JARID2: variants seen among roughly 807,000 people sequenced by gnomAD.
JARID2 encodes the protein jumonji and AT-rich interaction domain containing 2.
Under a neutral mutation model 125.6 loss-of-function variants are expected in JARID2, and 21 were observed. That is an observed-to-expected ratio of 0.17 (90% CI 0.12 to 0.24). JARID2 has a LOEUF of 0.24. Among genes scored for constraint, JARID2 ranks in the 10% least tolerant of loss-of-function variants. The pLI, the probability that JARID2 is intolerant of heterozygous loss-of-function variation, is 1.00. For missense variants in JARID2, 1,303 were observed against 1,639.6 expected (o/e 0.79, Z 3.55); for synonymous variants, 736 against 661.6 (o/e 1.11, Z -1.73).
chr6:15,324,089 G>T (rs1265137880), intron 1 of JARID2, among the ~76,000 whole-genome samples: 1 of 151,380 alleles, frequency 6.6e-6, no homozygotes, highest in African/African-American at 2.4e-5. Context: ...TGAGGCAGGA[G>T]AATGGCATGA....
intron 1 of JARID2, among the ~76,000 whole-genome samples, chr6:15,340,055 G>C (rs1026772481): frequency 1.3e-5 from 2 of 151,746 alleles, no homozygotes. Flanking sequence ...TGACTCCCGG[G>C]TTCATGCAAT....
At chr6:15,517,342 T>G (rs1271239225) in intron 17 of JARID2, 74 bp downstream of exon 17, 1 of 1,034,328 alleles carries the variant, frequency 9.7e-7, no homozygotes, top group Non-Finnish European at 1.5e-6. Flanking sequence ...ATGTAGGCAC[T>G]CCGGCCTGGC....
chr6:15,252,556 G>A (rs1759497475), intron 1 of JARID2, among the ~76,000 whole-genome samples: 1 of 152,164 alleles, frequency 6.6e-6, no homozygotes, highest in Non-Finnish European at 1.5e-5. Context: ...CTGAGTGGCA[G>A]GGAGCAGAAA....
intron 1 of JARID2, among the ~76,000 whole-genome samples, chr6:15,270,889 G>A (rs1760271946): frequency 2.6e-5 from 4 of 151,798 alleles, no homozygotes; most frequent in Admixed American, 2.0e-4. Flanking sequence ...TGCAGTGAGC[G>A]GAGATCTTGC....
rs185146836 is a variant in JARID2 at position 15,460,984 on chromosome 6, C to A, written c.494-7558C>A. Among the ~76,000 whole-genome samples the A allele has an allele frequency of 2.5e-3, 374 of 152,298 alleles. 1 individual carries two copies. The highest frequency in any genetic ancestry group is 3.9e-3 in the Non-Finnish European group (266 of 68,026). ...CCTCCCAAAGTGCTGGGATTACAGG[C>A]GTGAGCCACTGCACCCAGCCAGAAT... On this transcript the variant is annotated intron_variant, in intron 4 of 17. Coordinates refer to ENST00000341776, the MANE Select transcript of JARID2 (RefSeq NM_004973.4).
intron 1 of JARID2, among the ~76,000 whole-genome samples, chr6:15,261,295 G>GT (rs1172440746): frequency 6.9e-6 from 1 of 145,376 alleles, no homozygotes; most frequent in Non-Finnish European, 1.5e-5. Context: ...CTTGGATGGT[G>GT]TTTTTTCTTC....
intron 7 of JARID2, 148 bp from the exon 8 acceptor site, chr6:15,500,759 C>A: frequency 1.4e-6 from 1 of 691,438 alleles, no homozygotes; most frequent in Non-Finnish European, 2.5e-6. Context: ...CTCTGTGGAC[C>A]GGGAGTCTGC....
chr6:15,411,016 T>G (rs1311359738), intron 3 of JARID2, among the ~76,000 whole-genome samples: 1 of 152,224 alleles, frequency 6.6e-6, no homozygotes, highest in Non-Finnish European at 1.5e-5. Context: ...TTTACTTGGG[T>G]GTTTTTGAAA....
intron 3 of JARID2, among the ~76,000 whole-genome samples, chr6:15,442,274 A>G (rs1242098222): frequency 6.6e-6 from 1 of 152,164 alleles, no homozygotes; most frequent in Non-Finnish European, 1.5e-5. Flanking sequence ...GATATTTTAA[A>G]AACTAAATAG....
At chr6:15,282,887 C>A (rs1371593814) in intron 1 of JARID2, among the ~76,000 whole-genome samples, 6 of 152,100 alleles carry the variant, frequency 3.9e-5, no homozygotes, top group Non-Finnish European at 5.9e-5. Flanking sequence ...AGGCGTGAGC[C>A]ACCCCGCCCG....
intron 2 of JARID2, chr6:15,401,004 A>G (rs1456277882): frequency 7.8e-7 from 1 of 1,289,204 alleles, no homozygotes; most frequent in African/African-American, 1.5e-5. Flanking sequence ...ATCTTGAGGA[A>G]CCTGGGATAG....
At chr6:15,344,227 A>C (rs1473018207) in intron 1 of JARID2, among the ~76,000 whole-genome samples, 1 of 146,396 alleles carries the variant, frequency 6.8e-6, no homozygotes, top group East Asian at 2.0e-4. Flanking sequence ...GATGTTTACT[A>C]ATTCTGTTAT....
Position 15,283,230 on chromosome 6 carries a change from G to T in JARID2, c.45+36646G>T, listed in dbSNP as rs563220253. 1.8e-3 allele frequency among the ~76,000 whole-genome samples: 275 copies of T among 150,864 alleles called. 5 individuals are homozygous for T. The East Asian group carries it at 0.029, about 16-fold the overall frequency. On this transcript the variant is annotated intron_variant, in intron 1 of 17. Transcript: ENST00000341776. Reference sequence around the variant, plus strand: ...GCCGACCTTGTGATCTGCCCACCTTGGCCTCCCAAAGTGCTGGGATTACAG... The same window carrying T: ...GCCGACCTTGTGATCTGCCCACCTTTGCCTCCCAAAGTGCTGGGATTACAG...
chr6:15,261,261 G>A (rs1039946326), intron 1 of JARID2, among the ~76,000 whole-genome samples: 14 of 151,614 alleles, frequency 9.2e-5, no homozygotes, highest in African/African-American at 3.1e-4. Context: ...TTCAGGACAG[G>A]CATTATATAC....
chr6:15,275,523 C>T (rs924518504), intron 1 of JARID2, among the ~76,000 whole-genome samples: 3 of 24,296 alleles, frequency 1.2e-4, no homozygotes, highest in Admixed American at 3.6e-4. Context: ...GTCCATTTAC[C>T]GCCCCCCCCG....
At chr6:15,398,524 A>G (rs944401562) in intron 2 of JARID2, among the ~76,000 whole-genome samples, 2 of 152,198 alleles carry the variant, frequency 1.3e-5, no homozygotes, top group Admixed American at 6.5e-5. Context: ...TAGGGGACCA[A>G]CATTTCATGT....
intron 2 of JARID2, among the ~76,000 whole-genome samples, chr6:15,379,916 A>G (rs1764513252): frequency 6.6e-6 from 1 of 152,134 alleles, no homozygotes; most frequent in South Asian, 2.1e-4. Context: ...AGGAGAGGTA[A>G]TTTTGGAGCC....
intron 4 of JARID2, among the ~76,000 whole-genome samples, chr6:15,459,843 C>T (rs1167797747): frequency 1.3e-5 from 2 of 152,168 alleles, no homozygotes; most frequent in Non-Finnish European, 2.9e-5. Flanking sequence ...ATTAACCTGC[C>T]AGAAAGCAAT....
Position 15,394,852 on chromosome 6 carries a change from A to T in JARID2, c.182-15372A>T, listed in dbSNP as rs1284101995. Among the ~76,000 whole-genome samples, 4 of 151,796 alleles carry T rather than the reference A, an allele frequency of 2.6e-5. No homozygotes were observed. The East Asian group carries it at 5.8e-4, about 22-fold the overall frequency. On this transcript the variant is annotated intron_variant, in intron 2 of 17. Transcript: ENST00000341776. ...CACACATGCAGGACTCAACCCAGCT[A>T]CCCCAGCGGCTTCATGCAGTAATTC... is the stretch of plus-strand genomic sequence containing the variant.
Sources: allele counts gnomAD v4.1 joint callset (sites outside exome capture counted in the v4.1 genomes callset), GRCh38; gene constraint gnomAD v4.1.1; transcripts MANE v1.5; gene names NCBI Gene and HGNC (gene_info 2026-07-23, HGNC 2026-07-21).